The following MYO5A variants were observed in gnomAD, a reference collection of about 807,000 sequenced individuals.
The protein encoded by MYO5A is unconventional myosin-Va.
Under a neutral mutation model 249.7 loss-of-function variants are expected in MYO5A, and 98 were observed. The observed-to-expected ratio is 0.39, with a 90% CI of 0.33 to 0.46. The LOEUF (loss-of-function observed/expected upper bound fraction) is 0.46. Ranked by LOEUF, MYO5A falls within the 20% of genes least tolerant of loss-of-function variation. MYO5A has a pLI of 0.98. For synonymous variants in MYO5A, 778 were observed against 810.6 expected, an observed-to-expected ratio of 0.96 and a Z score of 0.68; for missense variants, 1,696 against 2,308.8, an observed-to-expected ratio of 0.73 and a Z score of 5.44.
intron 23 of MYO5A, among the ~76,000 whole-genome samples, chr15:52,366,295 C>G (rs2040803666): frequency 6.6e-6 from 1 of 152,032 alleles, no homozygotes; most frequent in South Asian, 2.1e-4. Flanking sequence ...GTTTTGTTAT[C>G]TCATTGTAAA....
At chr15:52,418,035 C>G (rs1346907020) in intron 4 of MYO5A, among the ~76,000 whole-genome samples, 1 of 152,026 alleles carries the variant, frequency 6.6e-6, no homozygotes, top group Non-Finnish European at 1.5e-5. Context: ...ACAAGGTCTA[C>G]AAAAATGAGT....
rs751411629 is a variant in MYO5A, at chr15:52,367,093, A to G, written c.3098T>C (p.Leu1033Ser). The change falls in exon 23 of 42, where the codon TTG becomes TCG. Residue 1033 changes from leucine (L) to serine (S), a missense_variant. Physicochemically the swap from Leu to Ser is moderately radical, Grantham distance 145. Around this residue, in one of 5 missense-constraint regions of MYO5A, gnomAD observed 412 missense variants for 453.3 expected, o/e 0.91. Coordinates refer to ENST00000399233, the MANE Select transcript of MYO5A (RefSeq NM_001382347.1). ...GAGGGCTTCTTTTTCTTGCTTCAGC[A>G]AAGTATTTTCTTCCTTCAGATTTGA... The part of the protein sequence containing the change: ...LVSNLKEENT[L>S]LKQEKEALNH... 1.2e-6 allele frequency: 2 copies of G among 1,613,740 alleles called. No homozygotes were observed. The highest frequency in any genetic ancestry group is 2.7e-5 in the African/African-American group (2 of 75,016).
chr15:52,518,861 G>C (rs1228974639), intron 1 of MYO5A, among the ~76,000 whole-genome samples: 1 of 152,168 alleles, frequency 6.6e-6, no homozygotes, highest in Non-Finnish European at 1.5e-5. Flanking sequence ...TGTGATGTCA[G>C]ATCAGGGAGT....
chr15:52,342,084 C>A (rs759427256), intron 31 of MYO5A, among the ~76,000 whole-genome samples: 1 of 152,120 alleles, frequency 6.6e-6, no homozygotes, highest in Non-Finnish European at 1.5e-5. Flanking sequence ...GTAGGCTGGG[C>A]GCAGTACCTC....
chr15:52,428,037 A>G (rs2075436050), intron 3 of MYO5A, among the ~76,000 whole-genome samples: 1 of 152,214 alleles, frequency 6.6e-6, no homozygotes, highest in African/African-American at 2.4e-5. Flanking sequence ...AGATAACACT[A>G]AATCTCTTGA....
At chr15:52,359,529 T>C (rs2040415088) in intron 25 of MYO5A, among the ~76,000 whole-genome samples, 2 of 152,208 alleles carry the variant, frequency 1.3e-5, no homozygotes, top group Non-Finnish European at 2.9e-5. Context: ...TCTGGGGCAC[T>C]GGTGTTTATA....
chr15:52,389,451 T>C lies in MYO5A; in HGVS notation c.1543-88A>G, dbSNP rs571945127. 2.2e-6 allele frequency: 3 copies of C among 1,376,828 alleles called. No homozygotes were observed. In the African/African-American group the frequency reaches 4.4e-5, roughly 20 times the overall value. 85.3% of individuals were successfully genotyped at this position (1,376,828 alleles called of 1,614,324 possible). ...CAGCTGTCAAAAGATCTTTTATTTT[T>C]TTTTTTTGGCTTTAACTAATAACTT... is the stretch of plus-strand genomic sequence containing the variant. On this transcript the variant is annotated intron_variant, in intron 12 of 41. Coordinates refer to ENST00000399233, the MANE Select transcript of MYO5A (RefSeq NM_001382347.1).
chr15:52,445,687 G>A (rs1274501885), intron 1 of MYO5A, among the ~76,000 whole-genome samples: 2 of 152,208 alleles, frequency 1.3e-5, no homozygotes, highest in Non-Finnish European at 2.9e-5. Context: ...GCCAGGCTGA[G>A]AAGGTCTCAG....
At chr15:52,473,306 A>G (rs1014089104) in intron 1 of MYO5A, among the ~76,000 whole-genome samples, 3 of 152,200 alleles carry the variant, frequency 2.0e-5, no homozygotes, top group African/African-American at 7.2e-5. Context: ...CCTTTGTCAG[A>G]TGGACAGGTT....
In MYO5A at chr15:52,447,084, G is replaced by C. The variant is rs548615794; in HGVS notation, c.28-13799C>G. On this transcript the variant is annotated intron_variant, in intron 1 of 41. Coordinates refer to ENST00000399233, the MANE Select transcript of MYO5A (RefSeq NM_001382347.1). ...GCAATGTGAGAAGGACATGAGATTT[G>C]GAAGGGGTCAGTGGAGGAATGATAT... Among the ~76,000 whole-genome samples the C allele has an allele frequency of 8.9e-4, 135 of 152,228 alleles. 6 individuals are homozygous for C. The South Asian group carries it at 0.027, about 30-fold the overall frequency.
intron 4 of MYO5A, among the ~76,000 whole-genome samples, chr15:52,416,528 G>C (rs940413019): frequency 6.6e-5 from 10 of 152,024 alleles, no homozygotes; most frequent in Admixed American, 2.0e-4. Context: ...CGATGGGGTT[G>C]AGGAGGATAT....
intron 39 of MYO5A, 129 bp downstream of exon 39, chr15:52,318,931 C>T: frequency 8.1e-7 from 1 of 1,228,326 alleles, no homozygotes; most frequent in Non-Finnish European, 1.2e-6. Context: ...CAGTTTCTCC[C>T]TTGCTGCTTG....
chr15:52,410,614 GT>G, intron 5 of MYO5A, 138 bp from the exon 6 acceptor site: 1 of 759,464 alleles, frequency 1.3e-6, no homozygotes, highest in Non-Finnish European at 2.1e-6. Flanking sequence ...TTGAGACAGA[GT>G]CTTGCTCTGT....
chr15:52,316,323 C>T (rs1015045663), intron 40 of MYO5A, among the ~76,000 whole-genome samples: 1 of 151,874 alleles, frequency 6.6e-6, no homozygotes, highest in Non-Finnish European at 1.5e-5. Context: ...ATGTTCATGC[C>T]TGTGCCTTGC....
chr15:52,345,605 T>A (rs28657676), intron 30 of MYO5A, among the ~76,000 whole-genome samples: 14,544 of 150,048 alleles, frequency 0.097, 2,180 homozygotes, highest in African/African-American at 0.33. Context: ...AAAAGAAAGA[T>A]AAAGAAAAGA....
chr15:52,528,687 T>C (rs2077769576), intron 1 of MYO5A, 93 bp downstream of exon 1: 6 of 1,396,798 alleles, frequency 4.3e-6, no homozygotes, highest in Non-Finnish European at 5.6e-6. Context: ...GGGGCTCGCC[T>C]GGGCCCGGCG....
chr15:52,447,441 C>T (rs2040360230), intron 1 of MYO5A, among the ~76,000 whole-genome samples: 1 of 152,150 alleles, frequency 6.6e-6, no homozygotes, highest in African/African-American at 2.4e-5. Flanking sequence ...TTATAAATTC[C>T]CAGTCCCAGG....
intron 16 of MYO5A, among the ~76,000 whole-genome samples, chr15:52,380,944 C>T (rs868427411): frequency 1.3e-5 from 2 of 152,126 alleles, no homozygotes; most frequent in Admixed American, 6.5e-5. Context: ...ATGCCCCATA[C>T]GGTTATATTT....
At chr15:52,428,326 T>C in intron 3 of MYO5A, 72 bp downstream of exon 3, 3 of 1,471,422 alleles carry the variant, frequency 2.0e-6, no homozygotes, top group South Asian at 1.1e-5. Flanking sequence ...TTTCCCCATG[T>C]ACAATATTTC....
Sources: gnomAD v4.1 joint callset for allele counts (sites outside exome capture counted in the v4.1 genomes callset) on GRCh38, gnomAD v4.1.1 for gene constraint, gnomAD v4.1.1 regional missense constraint, MANE v1.5 for transcripts, NCBI Gene and HGNC (gene_info 2026-07-23, HGNC 2026-07-21) for gene names.